The following GALNTL6 variants were observed in gnomAD, a reference collection of about 807,000 sequenced individuals.
GALNTL6 encodes the protein polypeptide N-acetylgalactosaminyltransferase like 6.
In GALNTL6, 46 loss-of-function variants were observed where a neutral mutation model predicts 73.7. The ratio of observed to expected loss-of-function variants is 0.62; its 90% confidence interval spans 0.49 to 0.80. The LOEUF (loss-of-function observed/expected upper bound fraction) is 0.80, where lower values mean the gene tolerates loss of function less well. GALNTL6 is among the 30% of genes least tolerant of loss of function. The pLI is 0.00. For synonymous variants in GALNTL6, 259 were observed against 263.7 expected (o/e 0.98, Z 0.17); for missense variants, 604 against 755.0 (o/e 0.80, Z 2.34).
At chr4:172,867,758 T>C (rs2111155119) in intron 7 of GALNTL6, among the ~76,000 whole-genome samples, 1 of 152,336 alleles carries the variant, frequency 6.6e-6, no homozygotes, top group South Asian at 2.1e-4. Flanking sequence ...ACCCATGACA[T>C]TCAGCAAAAT....
At chr4:172,118,087 A>T (rs1733034873) in intron 2 of GALNTL6, among the ~76,000 whole-genome samples, 1 of 152,178 alleles carries the variant, frequency 6.6e-6, no homozygotes, top group African/African-American at 2.4e-5. Flanking sequence ...AACTGTAAAT[A>T]GAGTAGTTAT....
intron 5 of GALNTL6, among the ~76,000 whole-genome samples, chr4:172,767,745 C>T (rs2110851473): frequency 6.8e-6 from 1 of 148,002 alleles, no homozygotes; most frequent in East Asian, 2.0e-4. Flanking sequence ...TCTCAGCTCA[C>T]TGCAACTTCC....
At chr4:172,586,393 C>A (rs1257773127) in intron 5 of GALNTL6, among the ~76,000 whole-genome samples, 1 of 147,396 alleles carries the variant, frequency 6.8e-6, no homozygotes, top group Non-Finnish European at 1.5e-5. Context: ...CAATTCAAGA[C>A]TAAAATAGAA....
At chr4:171,967,263 A>C (rs1739411383) in intron 2 of GALNTL6, among the ~76,000 whole-genome samples, 1 of 152,208 alleles carries the variant, frequency 6.6e-6, no homozygotes, top group African/African-American at 2.4e-5. Flanking sequence ...GAATGTCAAC[A>C]GGTGTGCTTG....
At chr4:172,079,156 G>A (rs552072820) in intron 2 of GALNTL6, among the ~76,000 whole-genome samples, 35 of 151,916 alleles carry the variant, frequency 2.3e-4, no homozygotes, top group Non-Finnish European at 4.0e-4. Flanking sequence ...TATACCTATC[G>A]AAAATAAGAT....
At chr4:172,322,009 A>G (rs866350030) in intron 4 of GALNTL6, among the ~76,000 whole-genome samples, 1 of 152,174 alleles carries the variant, frequency 6.6e-6, no homozygotes, top group South Asian at 2.1e-4. Context: ...TTTAACTGGT[A>G]TATGACCCTC....
At chr4:172,362,788 C>T (rs1273744181) in intron 5 of GALNTL6, among the ~76,000 whole-genome samples, 3 of 152,240 alleles carry the variant, frequency 2.0e-5, no homozygotes, top group African/African-American at 7.2e-5. Context: ...AAACTAGACA[C>T]CTATGAATTG....
intron 9 of GALNTL6, among the ~76,000 whole-genome samples, chr4:172,931,893 T>A (rs6553660): frequency 0.14 from 21,002 of 152,216 alleles, 1,879 homozygotes; most frequent in African/African-American, 0.24. Flanking sequence ...ATTTTTATGC[T>A]TGTTTAGGAG....
Position 172,892,597 on chromosome 4 carries a change from T to A in GALNTL6, c.1041+9690T>A, listed in dbSNP as rs969178521. 5.8e-5 allele frequency among the ~76,000 whole-genome samples: 8 copies of A among 138,864 alleles called. No homozygotes were observed. The East Asian group carries it at 1.6e-3, about 28-fold the overall frequency. The allele number at this position is 138,864 out of a possible 152,430, so 91.1% of individuals were successfully genotyped here. A position where few individuals can be genotyped will look rare whatever the true frequency, so the allele number is the denominator to read the frequency against. ...TTACTGTTGTCGGCTTTGTTCATAT[T>A]TTTAATTCTTTTTTTTTTTTTTTTT... On this transcript the variant is annotated intron_variant, in intron 8 of 12. Coordinates refer to ENST00000506823, the MANE Select transcript of GALNTL6 (RefSeq NM_001034845.3).
At chr4:172,411,276 C>T (rs1744424375) in intron 5 of GALNTL6, among the ~76,000 whole-genome samples, 1 of 151,810 alleles carries the variant, frequency 6.6e-6, no homozygotes, top group Non-Finnish European at 1.5e-5. Context: ...AAAATGATAC[C>T]TGCCTCTTTA....
intron 2 of GALNTL6, among the ~76,000 whole-genome samples, chr4:171,918,596 A>G (rs1483845249): frequency 1.3e-5 from 2 of 152,156 alleles, no homozygotes; most frequent in African/African-American, 4.8e-5. Flanking sequence ...GTTCCTCAAA[A>G]AATTTTAAAA....
At chr4:172,527,641 C>A (rs1316063725) in intron 5 of GALNTL6, among the ~76,000 whole-genome samples, 1 of 152,140 alleles carries the variant, frequency 6.6e-6, no homozygotes, top group African/African-American at 2.4e-5. Context: ...AACCCTCTTG[C>A]CCTTAAGAGC....
intron 2 of GALNTL6, among the ~76,000 whole-genome samples, chr4:172,083,405 C>T (rs1399079101): frequency 6.6e-6 from 1 of 152,182 alleles, no homozygotes; most frequent in African/African-American, 2.4e-5. Flanking sequence ...TTTACAATGA[C>T]ATCCTAGGTC....
intron 4 of GALNTL6, among the ~76,000 whole-genome samples, chr4:172,344,908 T>C (rs1029419309): frequency 6.6e-6 from 1 of 152,210 alleles, no homozygotes; most frequent in Non-Finnish European, 1.5e-5. Flanking sequence ...CTGCAGTTCC[T>C]GTCTTTCCTA....
chr4:172,480,012 C>T (rs1733385277), intron 5 of GALNTL6, among the ~76,000 whole-genome samples: 1 of 152,280 alleles, frequency 6.6e-6, no homozygotes, highest in South Asian at 2.1e-4. Context: ...GAGGATTGCC[C>T]ATTTTTTTAC....
intron 5 of GALNTL6, among the ~76,000 whole-genome samples, chr4:172,397,607 C>A (rs1386816197): frequency 1.4e-5 from 2 of 141,978 alleles, no homozygotes; most frequent in Non-Finnish European, 3.1e-5. Context: ...AAAATGGAGT[C>A]TCGCTCTGTC....
intron 3 of GALNTL6, among the ~76,000 whole-genome samples, chr4:172,268,725 G>T (rs1738536134): frequency 1.3e-5 from 2 of 152,094 alleles, no homozygotes; most frequent in Non-Finnish European, 2.9e-5. Context: ...AAATCGTAAG[G>T]GTGGGGCCTC....
intron 2 of GALNTL6, among the ~76,000 whole-genome samples, chr4:172,087,024 C>T (rs115276194): frequency 2.6e-5 from 4 of 152,066 alleles, no homozygotes; most frequent in African/African-American, 9.7e-5. Context: ...CAGTTCCTAC[C>T]GTGTATTGTG....
At chr4:171,993,218 A>C (rs902613415) in intron 2 of GALNTL6, among the ~76,000 whole-genome samples, 2 of 152,068 alleles carry the variant, frequency 1.3e-5, no homozygotes, top group African/African-American at 4.8e-5. Flanking sequence ...AGAGAAAAAT[A>C]GTTCATATGT....
Sources: allele counts gnomAD v4.1 joint callset (sites outside exome capture counted in the v4.1 genomes callset), GRCh38; gene constraint gnomAD v4.1.1; transcripts MANE v1.5; gene names NCBI Gene and HGNC (gene_info 2026-07-23, HGNC 2026-07-21).